STARD13: variants seen among roughly 807,000 people sequenced by gnomAD.
The protein encoded by STARD13 is StAR related lipid transfer domain containing 13, also known as stAR-related lipid transfer protein 13.
Under a neutral mutation model 106.4 loss-of-function variants are expected in STARD13, and 62 were observed. The observed-to-expected ratio is 0.58, with a 90% CI of 0.48 to 0.72. STARD13 has a LOEUF of 0.72. Among genes scored for constraint, STARD13 ranks in the 30% least tolerant of loss-of-function variants. STARD13 has a pLI of 0.00. For missense variants in STARD13, 1,387 were observed against 1,424.0 expected (o/e 0.97, Z 0.42); for synonymous variants, 565 against 553.0 (o/e 1.02, Z -0.31).
At chr13:33,522,728 C>G in the STARD13 span, among the ~76,000 whole-genome samples, 1 of 152,186 alleles carries the variant, frequency 6.6e-6, no homozygotes, top group Middle Eastern at 3.2e-3. Context: ...TTGGTAGTGA[C>G]AGACAGCATG....
chr13:33,193,590 A>G (rs1886405172), intron 1 of STARD13, among the ~76,000 whole-genome samples: 1 of 152,238 alleles, frequency 6.6e-6, no homozygotes, highest in African/African-American at 2.4e-5. Flanking sequence ...AACCAGTCGG[A>G]AAGCGTGAAC....
intron 1 of STARD13, among the ~76,000 whole-genome samples, chr13:33,174,657 C>A (rs7319316): frequency 0.1 from 15,717 of 152,186 alleles, 996 homozygotes; most frequent in East Asian, 0.35. Context: ...TGTTTTATGC[C>A]ACTACAACTT....
At chr13:33,215,562 T>G (rs555351512) in intron 1 of STARD13, among the ~76,000 whole-genome samples, 11 of 152,220 alleles carry the variant, frequency 7.2e-5, no homozygotes, top group Non-Finnish European at 1.3e-4. Flanking sequence ...GCTCATGATA[T>G]TCAAGGTCAC....
At chr13:33,208,448 T>TGG (rs1436823818) in intron 1 of STARD13, among the ~76,000 whole-genome samples, 34 of 151,722 alleles carry the variant, frequency 2.2e-4, no homozygotes, top group Non-Finnish European at 4.4e-5. Context: ...AGGGAACACG[T>TGG]GGGGGAAATC....
intron 1 of STARD13, among the ~76,000 whole-genome samples, chr13:33,323,219 C>T (rs931573172): frequency 6.6e-6 from 1 of 152,150 alleles, no homozygotes. Context: ...GCCTCCAATC[C>T]CTGCTCTAGT....
intron 1 of STARD13, among the ~76,000 whole-genome samples, chr13:33,260,945 G>T (rs1594180855): frequency 6.6e-6 from 1 of 152,252 alleles, no homozygotes; most frequent in East Asian, 1.9e-4. Context: ...TCATTAGAGG[G>T]CATTCCTGGT....
intron 1 of STARD13, among the ~76,000 whole-genome samples, chr13:33,322,326 A>C (rs911143618): frequency 6.6e-6 from 1 of 152,230 alleles, no homozygotes; most frequent in African/African-American, 2.4e-5. Flanking sequence ...CAAACAATGC[A>C]ATCAGTAAAT....
chr13:33,499,600 CTTCTTTCTTCTTCTTCTTCTT>C, the STARD13 span, among the ~76,000 whole-genome samples: 28 of 65,824 alleles, frequency 4.3e-4, no homozygotes, highest in East Asian at 2.4e-3. Context: ...TCTTCTTCTT[CTTCTTTCTTCTTCTTCTTCTT>C]CTTCTTCTTC....
At chr13:33,166,608 T>C (rs1440106378) in intron 2 of STARD13, among the ~76,000 whole-genome samples, 1 of 152,202 alleles carries the variant, frequency 6.6e-6, no homozygotes, top group East Asian at 1.9e-4. Flanking sequence ...GACTAGTTCA[T>C]TACTAGATAA....
chr13:33,406,934 T>G, the STARD13 span, among the ~76,000 whole-genome samples: 1 of 152,062 alleles, frequency 6.6e-6, no homozygotes, highest in African/African-American at 2.4e-5. Context: ...ACAGATAAAT[T>G]TTAGCAAGTA....
chr13:33,434,174 G>A, the STARD13 span, among the ~76,000 whole-genome samples: 17 of 151,894 alleles, frequency 1.1e-4, no homozygotes, highest in African/African-American at 3.9e-4. Flanking sequence ...CCAACATGGC[G>A]AAACCCCATC....
intron 1 of STARD13, among the ~76,000 whole-genome samples, chr13:33,292,600 C>CG (rs770660641): frequency 2.2e-5 from 3 of 137,900 alleles, no homozygotes; most frequent in Non-Finnish European, 4.7e-5. Flanking sequence ...GACCCCATTT[C>CG]AAAAAAAAAA....
At chr13:33,124,868 A>G (rs2138139239) in intron 7 of STARD13, among the ~76,000 whole-genome samples, 1 of 152,314 alleles carries the variant, frequency 6.6e-6, no homozygotes. Flanking sequence ...AATAAGAGGC[A>G]AGCTATTAAG....
chr13:33,322,350 C>T (rs1893593635), intron 1 of STARD13, among the ~76,000 whole-genome samples: 1 of 152,230 alleles, frequency 6.6e-6, no homozygotes. Flanking sequence ...GTCCTACAGG[C>T]TCAAGGAGCT....
chr13:33,666,962 A>G, the STARD13 span, among the ~76,000 whole-genome samples: 1 of 152,242 alleles, frequency 6.6e-6, no homozygotes, highest in African/African-American at 2.4e-5. Flanking sequence ...TAGGTCCCAA[A>G]CTTTGGGACA....
At chr13:33,518,633 G>T in the STARD13 span, among the ~76,000 whole-genome samples, 3 of 152,090 alleles carry the variant, frequency 2.0e-5, no homozygotes, top group African/African-American at 7.2e-5. Flanking sequence ...GCTGTTTGGG[G>T]AGGGTGGGGA....
At chr13:33,353,891 G>A (rs902459550), upstream of STARD13, among the ~76,000 whole-genome samples, 2 of 152,204 alleles carry the variant, frequency 1.3e-5, no homozygotes, top group South Asian at 2.1e-4. Context: ...GGCCCTGTCC[G>A]TCTTACTTGC....
the STARD13 span, among the ~76,000 whole-genome samples, chr13:33,392,322 T>G: frequency 5.3e-5 from 8 of 152,314 alleles, no homozygotes; most frequent in South Asian, 1.2e-3. Flanking sequence ...ACACTCATAT[T>G]GCCTTTGGAT....
intron 1 of STARD13, among the ~76,000 whole-genome samples, chr13:33,196,794 C>T (rs1383016169): frequency 6.6e-6 from 1 of 152,202 alleles, no homozygotes; most frequent in East Asian, 1.9e-4. Flanking sequence ...ACTCCTAGTA[C>T]TGGCCCTGTT....
Sources: allele counts gnomAD v4.1 joint callset (sites outside exome capture counted in the v4.1 genomes callset), GRCh38; gene constraint gnomAD v4.1.1; transcripts MANE v1.5; gene names NCBI Gene and HGNC (gene_info 2026-07-23, HGNC 2026-07-21).